FBXL13: variants seen among roughly 807,000 people sequenced by gnomAD.
FBXL13 encodes F-box and leucine-rich repeat protein 13.
FBXL13 carries 67 observed loss-of-function variants against 83.6 expected under a neutral mutation model. That is an observed-to-expected ratio of 0.80 (90% CI 0.66 to 0.98). The LOEUF (loss-of-function observed/expected upper bound fraction) is 0.98. FBXL13 is among the 50% of genes least tolerant of loss of function. The pLI is 0.00. For missense variants in FBXL13, 822 were observed against 866.5 expected, an observed-to-expected ratio of 0.95 and a Z score of 0.64; for synonymous variants, 272 against 299.5, an observed-to-expected ratio of 0.91 and a Z score of 0.95.
At chr7:103,074,659 C>T, upstream of FBXL13, 1 of 1,281,976 alleles carries the variant, frequency 7.8e-7, no homozygotes, top group Non-Finnish European at 1.0e-6. Flanking sequence ...TAACTCCCCA[C>T]CGACGGTCTG....
At chr7:102,815,209 TCTC>T (rs1193854241) in intron 19 of FBXL13, among the ~76,000 whole-genome samples, 1 of 152,150 alleles carries the variant, frequency 6.6e-6, no homozygotes, top group Admixed American at 6.6e-5. Flanking sequence ...AACCCAGTCT[TCTC>T]CTCCTCTAAA....
chr7:103,058,632 T>C (rs1335589146), intron 1 of FBXL13, among the ~76,000 whole-genome samples: 1 of 152,162 alleles, frequency 6.6e-6, no homozygotes, highest in Non-Finnish European at 1.5e-5. Flanking sequence ...TGAGGACATC[T>C]ATATCAGAAT....
chr7:102,927,492 T>G (rs1460083539), intron 9 of FBXL13, among the ~76,000 whole-genome samples: 3 of 152,226 alleles, frequency 2.0e-5, no homozygotes, highest in Non-Finnish European at 4.4e-5. Context: ...CATTCATTAC[T>G]ATTTCCAGTA....
chr7:102,855,836 TTTTG>T (rs1805967730), intron 16 of FBXL13, among the ~76,000 whole-genome samples: 1 of 152,268 alleles, frequency 6.6e-6, no homozygotes, highest in African/African-American at 2.4e-5. Flanking sequence ...ATCTTGTTTT[TTTTG>T]TTTGTTTGTT....
chr7:102,934,239 G>A, intron 8 of FBXL13: 1 of 1,614,178 alleles, frequency 6.2e-7, no homozygotes. Context: ...AAGCTGAAAA[G>A]CCTGGATCTG....
chr7:103,022,769 A>C (rs1286747252), intron 6 of FBXL13, among the ~76,000 whole-genome samples: 1 of 152,204 alleles, frequency 6.6e-6, no homozygotes, highest in Middle Eastern at 3.2e-3. Context: ...ACTTGGCAAA[A>C]ATTTCATTAT....
At chr7:102,848,226 C>T (rs1193825621) in intron 17 of FBXL13, among the ~76,000 whole-genome samples, 1 of 152,130 alleles carries the variant, frequency 6.6e-6, no homozygotes, top group Non-Finnish European at 1.5e-5. Context: ...TTTTGTCTAG[C>T]TGCAAGATTT....
chr7:102,825,423 CAG>C (rs1321964040), intron 18 of FBXL13, among the ~76,000 whole-genome samples: 4 of 152,214 alleles, frequency 2.6e-5, no homozygotes, highest in African/African-American at 7.2e-5. Flanking sequence ...TGGAATTCTG[CAG>C]AGAGTCCTTG....
At chr7:102,908,498 T>C (rs556652223) in intron 11 of FBXL13, among the ~76,000 whole-genome samples, 1 of 152,320 alleles carries the variant, frequency 6.6e-6, no homozygotes, top group African/African-American at 2.4e-5. Context: ...ATTGAAGAGT[T>C]AGGTATTTAT....
intron 2 of FBXL13, among the ~76,000 whole-genome samples, chr7:103,037,543 G>A (rs759693103): frequency 1.3e-5 from 2 of 152,028 alleles, no homozygotes; most frequent in African/African-American, 2.4e-5. Flanking sequence ...AGTGGGTCAC[G>A]CCTATAATCC....
At chr7:103,055,578 A>G in intron 2 of FBXL13, 66 bp downstream of exon 2, 2 of 627,796 alleles carry the variant, frequency 3.2e-6, no homozygotes, top group Non-Finnish European at 4.8e-6. Flanking sequence ...TTATTTTGTT[A>G]CTATGCAATA....
intron 2 of FBXL13, among the ~76,000 whole-genome samples, chr7:103,054,588 T>A (rs975142049): frequency 6.6e-6 from 1 of 152,194 alleles, no homozygotes; most frequent in Non-Finnish European, 1.5e-5. Flanking sequence ...GTACCAGTTT[T>A]CAGTAACAAT....
intron 2 of FBXL13, among the ~76,000 whole-genome samples, chr7:103,044,598 G>C (rs1460855646): frequency 2.6e-5 from 4 of 152,164 alleles, no homozygotes; most frequent in African/African-American, 9.7e-5. Flanking sequence ...AACAAGATTG[G>C]CAAAATGCTG....
At chr7:102,977,641 A>G (rs540018528) in intron 6 of FBXL13, among the ~76,000 whole-genome samples, 8 of 152,334 alleles carry the variant, frequency 5.3e-5, no homozygotes, top group Admixed American at 1.3e-4. Context: ...TGTTGAAGCT[A>G]CAGTTAACTA....
chr7:103,010,131 G>A (rs1346366168), intron 6 of FBXL13, among the ~76,000 whole-genome samples: 4 of 151,896 alleles, frequency 2.6e-5, no homozygotes, highest in South Asian at 2.1e-4. Flanking sequence ...GTATGAACTC[G>A]AATGGAGGGC....
At chr7:103,023,105 C>T (rs550329864) in intron 6 of FBXL13, among the ~76,000 whole-genome samples, 294 of 152,026 alleles carry the variant, frequency 1.9e-3, no homozygotes, top group Non-Finnish European at 3.3e-3. Flanking sequence ...TGAAACCCCG[C>T]CTCTACTAAA....
At chr7:103,009,201 A>G (rs1008174850) in intron 6 of FBXL13, among the ~76,000 whole-genome samples, 4 of 152,206 alleles carry the variant, frequency 2.6e-5, no homozygotes, top group African/African-American at 9.6e-5. Flanking sequence ...ACATTTAAAA[A>G]GACAAATAGG....
intron 8 of FBXL13, among the ~76,000 whole-genome samples, chr7:102,939,138 G>A (rs1222106941): frequency 6.6e-6 from 1 of 152,202 alleles, no homozygotes; most frequent in Non-Finnish European, 1.5e-5. Context: ...TAGAACCTAG[G>A]AGGTTCTGAC....
intron 6 of FBXL13, among the ~76,000 whole-genome samples, chr7:102,999,945 G>A (rs955825727): frequency 4.0e-5 from 6 of 151,766 alleles, no homozygotes; most frequent in African/African-American, 1.5e-4. Context: ...GGTTTGGTTT[G>A]TTCTTGATTT....
Sources: allele counts gnomAD v4.1 joint callset (sites outside exome capture counted in the v4.1 genomes callset), GRCh38; gene constraint gnomAD v4.1.1; transcripts MANE v1.5; gene names NCBI Gene and HGNC (gene_info 2026-07-23, HGNC 2026-07-21).